JADE3: variants seen among roughly 807,000 people sequenced by gnomAD.
JADE3 encodes jade family PHD finger 3.
JADE3 carries 2 observed loss-of-function variants against 50.1 expected under a neutral mutation model. That is an observed-to-expected ratio of 0.04 (90% CI 0.02 to 0.13). The LOEUF is 0.13. Among genes scored for constraint, JADE3 ranks in the 10% least tolerant of loss-of-function variants. The probability of loss-of-function intolerance (pLI) is 1.00; values close to 1 mark genes in which losing one functional copy is unlikely to be tolerated. For missense variants in JADE3, 475 were observed against 634.4 expected, an observed-to-expected ratio of 0.75 and a Z score of 2.70; for synonymous variants, 218 against 232.9, an observed-to-expected ratio of 0.94 and a Z score of 0.58.
intron 1 of JADE3, among the ~76,000 whole-genome samples, chrX:46,966,883 T>G (rs1927380209): frequency 8.9e-6 from 1 of 111,975 alleles, no homozygotes; most frequent in Admixed American, 9.5e-5. Flanking sequence ...AAAGGCAGAT[T>G]TTTTCTGTTC....
chrX:47,058,610 C>T lies in JADE3; in HGVS notation c.2005C>T (p.Leu669=). ...CTCCAAGTTTGCCAAATCCAATGGC[C>T]TGGAGGGCAGCTGGTCTGGGAATGT... ...PNSKFAKSNG[L]EGSWSGNVTQ... The change falls in exon 11 of 11, where the codon CTG becomes TTG. Residue 669 remains leucine, a synonymous_variant. Transcript: ENST00000614628. 2 of 1,211,236 alleles carry T rather than the reference C, an allele frequency of 1.7e-6. No individual in the cohort carries two copies. The highest frequency in any genetic ancestry group is 2.2e-6 in the Non-Finnish European group (2 of 895,186).
intron 8 of JADE3, among the ~76,000 whole-genome samples, chrX:47,052,213 C>T (rs1409824124): frequency 9.1e-6 from 1 of 109,486 alleles, no homozygotes; most frequent in African/African-American, 3.4e-5. Context: ...CCCCTTTGCC[C>T]CCCCCTATGA....
intron 4 of JADE3, among the ~76,000 whole-genome samples, chrX:47,019,205 T>C (rs1328538346): frequency 1.8e-5 from 2 of 111,681 alleles, no homozygotes; most frequent in African/African-American, 6.5e-5. Context: ...GATGACAAAG[T>C]CACATTGCAG....
intron 4 of JADE3, among the ~76,000 whole-genome samples, chrX:47,003,148 G>A (rs1928325659): frequency 9.0e-6 from 1 of 111,051 alleles, no homozygotes; most frequent in Non-Finnish European, 1.9e-5. Context: ...CATTGCTTGA[G>A]CAAACCTGAG....
In JADE3 at chrX:46,914,034, C is replaced by T. The variant is rs1017965133; in HGVS notation, c.-12+1315C>T. Among the ~76,000 whole-genome samples, 5 of 111,674 alleles carry T rather than the reference C, an allele frequency of 4.5e-5. No homozygotes were observed. The East Asian group carries it at 8.3e-4, about 19-fold the overall frequency. Reference sequence around the variant, plus strand: ...CTGGAGGGAAAGGCGACCTCATTCCCTGTGTTCAGTCTGATAAAGTGAACT... The same window carrying T: ...CTGGAGGGAAAGGCGACCTCATTCCTTGTGTTCAGTCTGATAAAGTGAACT... On this transcript the variant is annotated intron_variant, in intron 1 of 10. Coordinates refer to ENST00000614628, the MANE Select transcript of JADE3 (RefSeq NM_014735.5).
chrX:46,995,841 CT>C (rs1339378571), intron 3 of JADE3, among the ~76,000 whole-genome samples: 1 of 111,625 alleles, frequency 9.0e-6, no homozygotes, highest in Non-Finnish European at 1.9e-5. Flanking sequence ...AAAAATGCTT[CT>C]CTAGAAAACT....
chrX:46,983,520 T>G (rs782201811), intron 1 of JADE3, among the ~76,000 whole-genome samples: 40 of 111,082 alleles, frequency 3.6e-4, no homozygotes, highest in Non-Finnish European at 7.2e-4. Flanking sequence ...GAACGTAGCC[T>G]CAGCAAAAGT....
intron 4 of JADE3, among the ~76,000 whole-genome samples, chrX:47,012,063 A>G (rs782169558): frequency 9.0e-6 from 1 of 111,518 alleles, no homozygotes; most frequent in Non-Finnish European, 1.9e-5. Context: ...AGAATGTCCC[A>G]TTTTTTAATA....
At chrX:47,047,871 A>T (rs1929411987) in intron 8 of JADE3, among the ~76,000 whole-genome samples, 1 of 111,917 alleles carries the variant, frequency 8.9e-6, no homozygotes, top group African/African-American at 3.2e-5. Flanking sequence ...TCACAGTTAT[A>T]GTTTATTATA....
chrX:47,027,177 A>G (rs1042316584), intron 5 of JADE3, among the ~76,000 whole-genome samples: 20 of 112,408 alleles, frequency 1.8e-4, no homozygotes, highest in African/African-American at 6.5e-4. Flanking sequence ...AATTTGATTA[A>G]TAAGTGTGGA....
chrX:47,054,597 T>C lies in JADE3; in HGVS notation c.1412T>C (p.Met471Thr). 1 of 1,203,283 alleles carries C rather than the reference T, an allele frequency of 8.3e-7. No homozygotes were observed. Among genetic ancestry groups the C allele is most frequent in the Non-Finnish European group, 1.1e-6 (1 of 890,570 alleles). Residue 471 changes from methionine (M) to threonine (T), a missense_variant, in exon 9 of 11, where the codon ATG becomes ACG. Around this residue, in one of 6 missense-constraint regions of JADE3, gnomAD observed 81 missense variants for 123.8 expected, o/e 0.65. Coordinates refer to ENST00000614628, the MANE Select transcript of JADE3 (RefSeq NM_014735.5). ...KEESIHTRMR[M>T]FMHLRQDLER... is the part of the protein sequence containing the mutation. Reference sequence around the variant, plus strand: ...GAAAGCATTCACACTCGAATGAGAATGTTTATGCATCTACGCCAGGACCTG... The same window carrying C: ...GAAAGCATTCACACTCGAATGAGAACGTTTATGCATCTACGCCAGGACCTG...
intron 6 of JADE3, 95 bp downstream of exon 6, chrX:47,028,198 T>G: frequency 1.7e-6 from 1 of 572,015 alleles, no homozygotes; most frequent in East Asian, 3.5e-5. Context: ...CAGCTTGCAT[T>G]TAAGGGTGAA....
intron 4 of JADE3, among the ~76,000 whole-genome samples, chrX:47,014,662 C>A (rs782535686): frequency 9.0e-6 from 1 of 111,663 alleles, no homozygotes; most frequent in Admixed American, 9.5e-5. Context: ...TTGAAATCTA[C>A]ATATAGTTTT....
chrX:47,019,824 G>A (rs1928755510), intron 4 of JADE3, among the ~76,000 whole-genome samples: 1 of 111,782 alleles, frequency 8.9e-6, no homozygotes, highest in African/African-American at 3.3e-5. Context: ...ACAAAGGCCA[G>A]AGGTAGTAGT....
At chrX:46,934,261 G>A (rs781933832) in intron 1 of JADE3, among the ~76,000 whole-genome samples, 1 of 109,781 alleles carries the variant, frequency 9.1e-6, no homozygotes, top group Non-Finnish European at 1.9e-5. Flanking sequence ...TCAGCCTCCC[G>A]AGTAGGTGGG....
chrX:46,995,346 A>G (rs1388175558), intron 3 of JADE3, among the ~76,000 whole-genome samples: 1 of 111,443 alleles, frequency 9.0e-6, no homozygotes, highest in African/African-American at 3.3e-5. Flanking sequence ...TTTTAATTAT[A>G]TAAAGTATTT....
intron 1 of JADE3, among the ~76,000 whole-genome samples, chrX:46,926,414 T>C (rs782706098): frequency 1.8e-5 from 2 of 109,873 alleles, no homozygotes; most frequent in African/African-American, 6.6e-5. Flanking sequence ...CTAGCTAATG[T>C]TTTAGTTTTT....
intron 3 of JADE3, among the ~76,000 whole-genome samples, chrX:46,991,063 T>TCCC (rs782025114): frequency 4.6e-3 from 1 of 217 alleles, no homozygotes; most frequent in Non-Finnish European, 0.012. Context: ...CCTCCCTCAC[T>TCCC]CCCTCCCTCC....
At chrX:46,946,352 G>A (rs781918798) in intron 1 of JADE3, among the ~76,000 whole-genome samples, 5 of 111,436 alleles carry the variant, frequency 4.5e-5, no homozygotes, top group African/African-American at 1.6e-4. Context: ...GCAGGATGGG[G>A]GTGGGGGTGT....
Sources: gnomAD v4.1 joint callset for allele counts (sites outside exome capture counted in the v4.1 genomes callset) on GRCh38, gnomAD v4.1.1 for gene constraint, gnomAD v4.1.1 regional missense constraint, MANE v1.5 for transcripts, NCBI Gene and HGNC (gene_info 2026-07-23, HGNC 2026-07-21) for gene names.